The following CHD2 variants were observed in gnomAD, a reference collection of about 807,000 sequenced individuals.
The protein encoded by CHD2 is chromodomain helicase DNA binding protein 2, also known as ATP-dependent chromatin remodeler CHD2.
Under a neutral mutation model 243.9 loss-of-function variants are expected in CHD2, and 28 were observed. The ratio of observed to expected loss-of-function variants is 0.11; its 90% CI spans 0.09 to 0.16. The LOEUF (loss-of-function observed/expected upper bound fraction) is 0.16. CHD2 is among the 10% of genes least tolerant of loss of function. The pLI, the probability that CHD2 is intolerant of heterozygous loss-of-function variation, is 1.00. For missense variants in CHD2, 1,386 were observed against 2,209.8 expected, an observed-to-expected ratio of 0.63 and a Z score of 7.47; for synonymous variants, 775 against 779.0, an observed-to-expected ratio of 0.99 and a Z score of 0.09.
At position 93,024,326 on chromosome 15, in the gene CHD2, G is replaced by GA. The variant is rs765724223; in HGVS notation, c.5154-44dup. ...GTGGGTAGTGAAGAGAAGTGGATGGGAATCTGGCTTCAGTCTTTCGACTAA... is the reference window on the plus strand; with the variant it reads ...GTGGGTAGTGAAGAGAAGTGGATGGGAAATCTGGCTTCAGTCTTTCGACTAA... On this transcript the variant is annotated intron_variant, in intron 38 of 38. Coordinates refer to ENST00000394196, the MANE Select transcript of CHD2 (RefSeq NM_001271.4). 1.9e-6 allele frequency: 3 copies of GA among 1,549,856 alleles called. No individual in the cohort carries two copies. In the East Asian group the frequency reaches 6.8e-5, roughly 35 times the overall value.
intron 28 of CHD2, 122 bp downstream of exon 28, chr15:92,993,120 T>C: frequency 2.0e-6 from 2 of 996,780 alleles, no homozygotes; most frequent in Non-Finnish European, 1.5e-6. Context: ...TTCAGGTGTT[T>C]ATTCTGAGCT....
At chr15:93,006,882 T>C (rs2054328898) in intron 34 of CHD2, among the ~76,000 whole-genome samples, 1 of 152,272 alleles carries the variant, frequency 6.6e-6, no homozygotes, top group Non-Finnish European at 1.5e-5. Flanking sequence ...TTAATAATTG[T>C]GGCTGTCATT....
At chr15:92,969,989 A>G (rs1335951655) in intron 17 of CHD2, among the ~76,000 whole-genome samples, 1 of 151,888 alleles carries the variant, frequency 6.6e-6, no homozygotes, top group African/African-American at 2.4e-5. Flanking sequence ...AGTACTCAAG[A>G]TAGTTTTTCT....
chr15:92,920,420 A>G (rs2052933238), intron 2 of CHD2, among the ~76,000 whole-genome samples: 1 of 152,256 alleles, frequency 6.6e-6, no homozygotes, highest in African/African-American at 2.4e-5. Context: ...TAGTGAATTT[A>G]TAGTATAAAC....
At chr15:92,996,927 T>G (rs2054196278) in intron 28 of CHD2, 30 bp from the exon 29 acceptor site, 1 of 1,587,362 alleles carries the variant, frequency 6.3e-7, no homozygotes, top group Admixed American at 1.9e-5. Flanking sequence ...CAGATTTTCA[T>G]TTAACTAATG....
At position 93,012,463 on chromosome 15, in the gene CHD2, C is replaced by A; in HGVS notation, c.4692+19C>A. 3 of 1,508,788 alleles carry A rather than the reference C, an allele frequency of 2.0e-6. No homozygotes were observed. The highest frequency in any genetic ancestry group is 2.4e-5 in the South Asian group (2 of 82,206). The allele number at this position is 1,508,788 out of a possible 1,614,324, so 93.5% of individuals were successfully genotyped here. On this transcript the variant is annotated intron_variant, in intron 36 of 38. Transcript: ENST00000394196. ...AGAAGAGGTAAAGTACAAATTCAGT[C>A]CTAATTCATACAAACAAATACCAAT...
At chr15:93,019,010 C>T (rs1324203966) in intron 37 of CHD2, among the ~76,000 whole-genome samples, 1 of 152,210 alleles carries the variant, frequency 6.6e-6, no homozygotes, top group Non-Finnish European at 1.5e-5. Context: ...TTTTCTGATT[C>T]AAGTGAGTAT....
At chr15:92,996,163 T>TC (rs2054184768) in intron 28 of CHD2, among the ~76,000 whole-genome samples, 1 of 146,526 alleles carries the variant, frequency 6.8e-6, no homozygotes, top group South Asian at 2.2e-4. Context: ...TAAGTTTCTT[T>TC]TTTTTTTTTT....
In CHD2 at chr15:93,026,098, C is replaced by T. The variant is rs2054584703; in HGVS notation, c.*1393C>T. 6.6e-6 allele frequency: 1 copy of T among 152,662 alleles called. No homozygotes were observed. The highest frequency in any genetic ancestry group is 2.1e-4 in the South Asian group (1 of 4,830). The allele number at this position is 152,662 out of a possible 1,614,324, so 9.5% of individuals were successfully genotyped here. ...TTTGGTTGCATCAATTAAGCAGGCT[C>T]TTTTCAATTGACTGATGCTGGGGCC... On this transcript the variant is annotated 3_prime_UTR_variant, in exon 39 of 39. Transcript: ENST00000394196.
chr15:92,945,700 T>A, intron 10 of CHD2, 121 bp from the exon 11 acceptor site: 1 of 588,406 alleles, frequency 1.7e-6, no homozygotes, highest in Non-Finnish European at 2.8e-6. Flanking sequence ...AATCCCATTT[T>A]TTTTTTTTCT....
At chr15:92,978,934 G>A (rs2053942495) in intron 21 of CHD2, among the ~76,000 whole-genome samples, 1 of 152,174 alleles carries the variant, frequency 6.6e-6, no homozygotes, top group East Asian at 1.9e-4. Flanking sequence ...TTTTATTTAA[G>A]ACTGTAACCT....
At chr15:92,939,044 ACT>A (rs948162228) in intron 6 of CHD2, among the ~76,000 whole-genome samples, 11 of 120,456 alleles carry the variant, frequency 9.1e-5, no homozygotes, top group Non-Finnish European at 1.2e-4. Flanking sequence ...TATACAAAAA[ACT>A]CTTTTTTTTT....
chr15:92,943,845 CT>C (rs1288510105), intron 9 of CHD2: 1 of 152,236 alleles, frequency 6.6e-6, no homozygotes, highest in Non-Finnish European at 1.5e-5. Context: ...AAATGTGCTA[CT>C]TTAGTAAATT....
Position 93,026,335 on chromosome 15 carries a change from C to G in CHD2, c.*1630C>G, listed in dbSNP as rs978986863. On this transcript the variant is annotated 3_prime_UTR_variant, in exon 39 of 39. Transcript: ENST00000394196. ...GTGCTTGCTGGTGTCCTGGGCAGCA[C>G]CATGAATGCCTTTACCAAGACATGC... is the stretch of plus-strand genomic sequence containing the variant. 6.5e-6 allele frequency: 1 copy of G among 152,726 alleles called. No homozygotes were observed. Among genetic ancestry groups the G allele is most frequent in the Non-Finnish European group, 1.5e-5 (1 of 68,182 alleles). The allele number at this position is 152,726 out of a possible 1,614,324, so 9.5% of individuals were successfully genotyped here. A position where few individuals can be genotyped will look rare whatever the true frequency, so the allele number is the denominator to read the frequency against.
intron 19 of CHD2, chr15:92,974,041 G>A (rs1596422168): frequency 6.6e-6 from 1 of 152,292 alleles, no homozygotes; most frequent in East Asian, 1.9e-4. Context: ...TCACCTTTCA[G>A]GTTAGTTTTG....
chr15:93,024,320 G>A, intron 38 of CHD2, 52 bp from the exon 39 acceptor site: 1 of 1,528,702 alleles, frequency 6.5e-7, no homozygotes, highest in East Asian at 2.3e-5. Flanking sequence ...GAAGAGAAGT[G>A]GATGGGAATC....
intron 2 of CHD2, 49 bp from the exon 3 acceptor site, chr15:92,924,272 A>G: frequency 6.5e-7 from 1 of 1,528,934 alleles, no homozygotes. Context: ...AAGCAGATTC[A>G]TGTGTCAGTT....
At chr15:92,904,086 C>T (rs2052571352) in intron 2 of CHD2, among the ~76,000 whole-genome samples, 1 of 152,216 alleles carries the variant, frequency 6.6e-6, no homozygotes, top group Non-Finnish European at 1.5e-5. Context: ...TTCCTTCCCC[C>T]TCTCTGCTCT....
chr15:92,951,865 AC>A (rs1401749324), intron 13 of CHD2, among the ~76,000 whole-genome samples: 1 of 152,122 alleles, frequency 6.6e-6, no homozygotes, highest in Non-Finnish European at 1.5e-5. Context: ...TACCCTTTAA[AC>A]TAGCTAGTTT....
Sources: gnomAD v4.1 joint callset for allele counts (sites outside exome capture counted in the v4.1 genomes callset) on GRCh38, gnomAD v4.1.1 for gene constraint, MANE v1.5 for transcripts, NCBI Gene and HGNC (gene_info 2026-07-23, HGNC 2026-07-21) for gene names.